TOX3: variants seen among roughly 807,000 people sequenced by gnomAD.
The protein encoded by TOX3 is TOX high mobility group box family member 3.
In TOX3, 22 loss-of-function variants were observed where a neutral mutation model predicts 64.3. That is an observed-to-expected ratio of 0.34 (90% CI 0.24 to 0.49). The LOEUF is 0.49. TOX3 is among the 20% of genes least tolerant of loss of function. The pLI, the probability that TOX3 is intolerant of heterozygous loss-of-function variation, is 0.99. For missense variants in TOX3, 661 were observed against 714.4 expected, an observed-to-expected ratio of 0.93 and a Z score of 0.85; for synonymous variants, 291 against 273.6, an observed-to-expected ratio of 1.06 and a Z score of -0.63.
chr16:52,445,949 G>T, intron 5 of TOX3, 45 bp downstream of exon 5: 3 of 1,546,046 alleles, frequency 1.9e-6, no homozygotes, highest in Non-Finnish European at 2.7e-6. Flanking sequence ...TATTTTAAAT[G>T]ATCATGAGGT....
intron 1 of TOX3, among the ~76,000 whole-genome samples, chr16:52,532,498 C>T (rs1962873006): frequency 6.6e-6 from 1 of 152,214 alleles, no homozygotes; most frequent in Non-Finnish European, 1.5e-5. Context: ...GCAAACCCTC[C>T]CTGCCAATCT....
intron 1 of TOX3, among the ~76,000 whole-genome samples, chr16:52,545,669 A>C (rs931113061): frequency 6.6e-6 from 1 of 152,210 alleles, no homozygotes; most frequent in Non-Finnish European, 1.5e-5. Flanking sequence ...TTCAAAAGGC[A>C]CAGGCCATTC....
At chr16:52,503,978 G>C (rs1962079722) in intron 1 of TOX3, among the ~76,000 whole-genome samples, 1 of 152,142 alleles carries the variant, frequency 6.6e-6, no homozygotes, top group Non-Finnish European at 1.5e-5. Context: ...TTCTCCAAAA[G>C]AATCATCACT....
intron 3 of TOX3, among the ~76,000 whole-genome samples, chr16:52,460,920 A>G (rs1378288860): frequency 1.3e-5 from 2 of 152,176 alleles, no homozygotes; most frequent in Non-Finnish European, 2.9e-5. Flanking sequence ...ATCATACAGA[A>G]GGTCAGAGTG....
intron 3 of TOX3, among the ~76,000 whole-genome samples, chr16:52,457,923 C>T (rs1182106112): frequency 6.6e-6 from 1 of 152,086 alleles, no homozygotes; most frequent in Non-Finnish European, 1.5e-5. Flanking sequence ...ACAGTGTTCC[C>T]TAAAGTTAAT....
intron 1 of TOX3, among the ~76,000 whole-genome samples, chr16:52,533,456 G>A (rs985021625): frequency 4.6e-5 from 7 of 152,106 alleles, no homozygotes; most frequent in African/African-American, 1.2e-4. Context: ...GTCTTGCCTT[G>A]GTACTAAGCC....
chr16:52,511,748 T>C (rs1962317555), intron 1 of TOX3, among the ~76,000 whole-genome samples: 1 of 152,296 alleles, frequency 6.6e-6, no homozygotes, highest in Non-Finnish European at 1.5e-5. Context: ...CCATGAAAGA[T>C]GGCAGCAATA....
chr16:52,513,898 T>C (rs530913016), intron 1 of TOX3, among the ~76,000 whole-genome samples: 48 of 152,236 alleles, frequency 3.2e-4, no homozygotes, highest in Non-Finnish European at 5.0e-4. Context: ...AAACCATTTA[T>C]ATAAAAGTTT....
rs76775857 is a variant in TOX3, at chr16:52,464,819, T to C, written c.154-631A>G. 6.8e-3 allele frequency among the ~76,000 whole-genome samples: 1,033 copies of C among 152,136 alleles called. 9 individuals carry two copies. The highest frequency in any genetic ancestry group is 0.012 in the Non-Finnish European group (827 of 67,994). On this transcript the variant is annotated intron_variant, in intron 2 of 6. Transcript: ENST00000219746. ...GCTTTTATTTAAACTACAAAGAGGG[T>C]TATTTTCTTTTACATGAACATTTTA...
intron 2 of TOX3, among the ~76,000 whole-genome samples, chr16:52,466,998 A>G (rs1960886083): frequency 1.3e-5 from 2 of 152,228 alleles, no homozygotes; most frequent in African/African-American, 2.4e-5. Flanking sequence ...TTTAGAGTTT[A>G]CGTGATTATT....
chr16:52,515,036 A>T (rs1311807891), intron 1 of TOX3, among the ~76,000 whole-genome samples: 1 of 150,234 alleles, frequency 6.7e-6, no homozygotes, highest in Non-Finnish European at 1.5e-5. Context: ...AAAAAAAAAA[A>T]AAGGACCCAA....
chr16:52,439,771 G>C lies in TOX3; in HGVS notation c.1185C>G (p.Asn395Lys). 1 of 1,613,968 alleles carries C rather than the reference G, an allele frequency of 6.2e-7. No homozygotes were observed. The highest frequency in any genetic ancestry group is 8.5e-7 in the Non-Finnish European group (1 of 1,179,880). Residue 395 changes from asparagine to lysine, a missense_variant, in exon 7 of 7, where the codon AAC becomes AAG. Physicochemically the swap from Asn to Lys is moderately conservative, Grantham distance 94 (BLOSUM62 0). Coordinates refer to ENST00000219746, the MANE Select transcript of TOX3 (RefSeq NM_001080430.4). ...CAATGGTGACTGATGTGACAATCTG[G>C]TTCATGGGGAGTCTCATGGTTAAGG... Reference protein sequence around the residue: ...PKPLTMRLPMNQIVTSVTIAA... With the variant: ...PKPLTMRLPMKQIVTSVTIAA...
In TOX3 at chr16:52,454,457, A is replaced by G. The variant is rs1960454419; in HGVS notation, c.409-3911T>C. Among the ~76,000 whole-genome samples the G allele has an allele frequency of 2.0e-5, 3 of 152,008 alleles. No homozygotes were observed. The South Asian group carries it at 6.2e-4, about 32-fold the overall frequency. On this transcript the variant is annotated intron_variant, in intron 3 of 6. Transcript: ENST00000219746. ...AATTGATGCATCAAAATGTGCCACC[A>G]CTCACCACGGTTCACAGTTATCCCA...
At chr16:52,454,090 G>T (rs1264644716) in intron 3 of TOX3, among the ~76,000 whole-genome samples, 1 of 152,152 alleles carries the variant, frequency 6.6e-6, no homozygotes, top group Non-Finnish European at 1.5e-5. Flanking sequence ...CTGGGCCCTA[G>T]AGAGCCATGG....
chr16:52,461,349 G>A (rs1400428035), intron 3 of TOX3, among the ~76,000 whole-genome samples: 1 of 152,058 alleles, frequency 6.6e-6, no homozygotes, highest in African/African-American at 2.4e-5. Flanking sequence ...TCAGCAATTC[G>A]CTTTTGAATA....
chr16:52,535,637 T>C (rs1043805198), intron 1 of TOX3, among the ~76,000 whole-genome samples: 1 of 152,210 alleles, frequency 6.6e-6, no homozygotes, highest in African/African-American at 2.4e-5. Context: ...TTTTTTCTAT[T>C]ACATGTAAGT....
intron 1 of TOX3, among the ~76,000 whole-genome samples, chr16:52,503,348 C>T (rs1369023574): frequency 6.6e-6 from 1 of 152,158 alleles, no homozygotes; most frequent in Non-Finnish European, 1.5e-5. Flanking sequence ...ACAGCCCTCA[C>T]CTCATAGGGT....
chr16:52,501,228 T>C (rs774588708), intron 1 of TOX3, among the ~76,000 whole-genome samples: 17 of 152,220 alleles, frequency 1.1e-4, no homozygotes, highest in Non-Finnish European at 2.1e-4. Context: ...TCTGAGCCAC[T>C]ATACTGTCTC....
At chr16:52,534,712 G>A (rs927675254) in intron 1 of TOX3, among the ~76,000 whole-genome samples, 7 of 151,814 alleles carry the variant, frequency 4.6e-5, no homozygotes, top group Non-Finnish European at 8.8e-5. Context: ...GTGGATATAG[G>A]GATATAAGAA....
Sources: allele counts gnomAD v4.1 joint callset (sites outside exome capture counted in the v4.1 genomes callset), GRCh38; gene constraint gnomAD v4.1.1; transcripts MANE v1.5; gene names NCBI Gene and HGNC (gene_info 2026-07-23, HGNC 2026-07-21).